Variants in ING3 observed in about 807,000 individuals in gnomAD.
ING3 encodes inhibitor of growth family member 3, also known as inhibitor of growth protein 3.
In ING3, 6 loss-of-function variants were observed where a neutral mutation model predicts 64.8. The observed-to-expected ratio is 0.09, with a 90% CI of 0.05 to 0.18. The LOEUF (loss-of-function observed/expected upper bound fraction) is 0.18, where lower values mean the gene tolerates loss of function less well. Ranked by LOEUF, ING3 falls within the 10% of genes least tolerant of loss-of-function variation. ING3 has a pLI of 1.00. For missense variants in ING3, 310 were observed against 489.7 expected, an observed-to-expected ratio of 0.63 and a Z score of 3.46; for synonymous variants, 170 against 173.7, an observed-to-expected ratio of 0.98 and a Z score of 0.17.
intron 5 of ING3, among the ~76,000 whole-genome samples, chr7:120,965,883 T>A (rs1240238872): frequency 6.6e-6 from 1 of 152,220 alleles, no homozygotes; most frequent in Non-Finnish European, 1.5e-5. Context: ...ATTCTGTATC[T>A]GCTTTGATTT....
intron 3 of ING3, among the ~76,000 whole-genome samples, chr7:120,954,381 G>A (rs1290137527): frequency 2.6e-5 from 4 of 151,658 alleles, no homozygotes; most frequent in Non-Finnish European, 5.9e-5. Context: ...AGCCTAGATC[G>A]CGCCACTGCA....
chr7:120,952,644 A>G (rs1490367725), intron 2 of ING3, among the ~76,000 whole-genome samples: 3 of 152,180 alleles, frequency 2.0e-5, no homozygotes, highest in Non-Finnish European at 4.4e-5. Context: ...AATTAACCAT[A>G]GGACTTCATA....
At chr7:120,951,130 G>T in intron 1 of ING3, 34 bp from the exon 2 acceptor site, 2 of 1,610,800 alleles carry the variant, frequency 1.2e-6, no homozygotes, top group Non-Finnish European at 1.7e-6. Context: ...TTCGCCGTTG[G>T]CCCCGCCCCT....
chr7:120,957,469 G>C (rs752682617), intron 4 of ING3, among the ~76,000 whole-genome samples: 10 of 151,962 alleles, frequency 6.6e-5, no homozygotes, highest in Non-Finnish European at 1.5e-4. Flanking sequence ...CTAAAGTGGA[G>C]AATCCATACA....
At chr7:120,954,534 T>C (rs1795816204) in intron 3 of ING3, among the ~76,000 whole-genome samples, 1 of 151,958 alleles carries the variant, frequency 6.6e-6, no homozygotes, top group Admixed American at 6.5e-5. Flanking sequence ...GGGAAGATTG[T>C]TTCTCTTAGG....
chr7:120,966,507 G>A (rs1795998838), intron 5 of ING3, 119 bp from the exon 6 acceptor site: 1 of 789,294 alleles, frequency 1.3e-6, no homozygotes, highest in Non-Finnish European at 2.3e-6. Context: ...ACAGGCATAT[G>A]CATCAGAACT....
At chr7:120,953,746 TGAA>T (rs1296550485) in intron 3 of ING3, among the ~76,000 whole-genome samples, 1 of 152,160 alleles carries the variant, frequency 6.6e-6, no homozygotes, top group African/African-American at 2.4e-5. Context: ...GAGCAGACCT[TGAA>T]GAATATTTTA....
chr7:120,961,424 T>C (rs1052739471), intron 4 of ING3, among the ~76,000 whole-genome samples: 1 of 152,216 alleles, frequency 6.6e-6, no homozygotes, highest in Non-Finnish European at 1.5e-5. Context: ...CCTCTTCCGA[T>C]AGGGCAAGCT....
intron 11 of ING3, among the ~76,000 whole-genome samples, chr7:120,973,868 A>T (rs28366865): frequency 0.026 from 4,003 of 152,258 alleles, 191 homozygotes; most frequent in African/African-American, 0.09. Context: ...TAGTGACAGG[A>T]TCCTAAGATT....
intron 8 of ING3, 48 bp downstream of exon 8, chr7:120,968,139 C>T: frequency 6.6e-7 from 1 of 1,505,196 alleles, no homozygotes; most frequent in Non-Finnish European, 9.1e-7. Context: ...TTGTCGGAAT[C>T]ATTGGAAACC....
chr7:120,969,647 A>AACTGATGG (rs1796041797), intron 9 of ING3, among the ~76,000 whole-genome samples: 1 of 152,080 alleles, frequency 6.6e-6, no homozygotes, highest in Non-Finnish European at 1.5e-5. Context: ...GGGTCCCAAA[A>AACTGATGG]ACTGATGGTG....
At chr7:120,951,688 C>T (rs1795768216) in intron 2 of ING3, among the ~76,000 whole-genome samples, 1 of 152,084 alleles carries the variant, frequency 6.6e-6, no homozygotes, top group Non-Finnish European at 1.5e-5. Flanking sequence ...TCTTTAGAGA[C>T]CATGGCAAAT....
intron 5 of ING3, among the ~76,000 whole-genome samples, chr7:120,966,065 AAAAT>A (rs1795993051): frequency 6.6e-6 from 1 of 152,200 alleles, no homozygotes; most frequent in Non-Finnish European, 1.5e-5. Context: ...CAAGGGATCA[AAAAT>A]AAACCCAGAA....
chr7:120,957,240 C>T (rs1434590206), intron 4 of ING3, among the ~76,000 whole-genome samples: 1 of 151,942 alleles, frequency 6.6e-6, no homozygotes, highest in Non-Finnish European at 1.5e-5. Context: ...GGCCTGGTGG[C>T]GGGTGCCTGT....
intron 8 of ING3, 110 bp downstream of exon 8, chr7:120,968,201 C>A: frequency 1.1e-6 from 1 of 939,214 alleles, no homozygotes; most frequent in Admixed American, 2.9e-5. Flanking sequence ...TGTATATTTT[C>A]ATTTTTAAGT....
At chr7:120,966,766 C>A (rs1334011256) in intron 6 of ING3, 69 bp downstream of exon 6, 6 of 1,075,476 alleles carry the variant, frequency 5.6e-6, no homozygotes. Flanking sequence ...TATATGTTCT[C>A]TTTTTTTAAC....
chr7:120,971,489 T>C (rs1796069425), intron 10 of ING3, among the ~76,000 whole-genome samples: 2 of 152,212 alleles, frequency 1.3e-5, no homozygotes, highest in Admixed American at 1.3e-4. Context: ...AAGCTTGCAT[T>C]TCATAACACG....
chr7:120,970,942 T>C, intron 10 of ING3, 62 bp downstream of exon 10: 2 of 1,399,802 alleles, frequency 1.4e-6, no homozygotes, highest in Non-Finnish European at 2.0e-6. Flanking sequence ...GAGAACTATT[T>C]CATTTTTAAG....
intron 4 of ING3, among the ~76,000 whole-genome samples, chr7:120,963,203 A>G (rs1293820715): frequency 1.3e-5 from 2 of 152,134 alleles, no homozygotes; most frequent in Non-Finnish European, 2.9e-5. Context: ...AGGATGCTCA[A>G]TTACCTGCAG....
Sources: gnomAD v4.1 joint callset for allele counts (sites outside exome capture counted in the v4.1 genomes callset) on GRCh38, gnomAD v4.1.1 for gene constraint, MANE v1.5 for transcripts, NCBI Gene and HGNC (gene_info 2026-07-23, HGNC 2026-07-21) for gene names.